The following CCDC77 variants were observed in gnomAD, a reference collection of about 807,000 sequenced individuals.
The protein encoded by CCDC77 is coiled-coil domain-containing protein 77.
In CCDC77, 56 loss-of-function variants were observed where a neutral mutation model predicts 66.8. That is an observed-to-expected ratio of 0.84 (90% CI 0.68 to 1.05). CCDC77 has a LOEUF of 1.05. Ranked by LOEUF, CCDC77 falls within the 50% of genes least tolerant of loss-of-function variation. The pLI is 0.00. For synonymous variants in CCDC77, 196 were observed against 195.2 expected (o/e 1.00, Z -0.03); for missense variants, 570 against 576.8 (o/e 0.99, Z 0.12).
intron 8 of CCDC77, among the ~76,000 whole-genome samples, chr12:432,314 T>C (rs1057353220): frequency 3.9e-5 from 6 of 152,194 alleles, no homozygotes; most frequent in Non-Finnish European, 8.8e-5. Flanking sequence ...TATTTAGTGC[T>C]TAGGTTCCAA....
At chr12:413,247 G>A (rs1591968574) in intron 4 of CCDC77, among the ~76,000 whole-genome samples, 1 of 135,572 alleles carries the variant, frequency 7.4e-6, no homozygotes, top group Non-Finnish European at 1.6e-5. Context: ...CTGTTTTTTT[G>A]TTTTTTTGAG....
chr12:413,657 T>C (rs185008203), intron 4 of CCDC77, among the ~76,000 whole-genome samples: 1,988 of 144,954 alleles, frequency 0.014, 63 homozygotes, highest in African/African-American at 0.049. Context: ...AGACGGAGTC[T>C]CGCTCTGTCG....
At chr12:390,091 T>C (rs1489846736) in intron 1 of CCDC77, 4 of 142,104 alleles carry the variant, frequency 2.8e-5, no homozygotes, top group African/African-American at 1.1e-4. Context: ...TGGTTTCCAT[T>C]AATGACTTCA....
chr12:405,092 A>G (rs1357035644), intron 1 of CCDC77, among the ~76,000 whole-genome samples: 2 of 152,230 alleles, frequency 1.3e-5, no homozygotes, highest in Admixed American at 6.5e-5. Flanking sequence ...TATCCGTACA[A>G]TGGAATTTTA....
intron 5 of CCDC77, 84 bp from the exon 6 acceptor site, chr12:428,685 A>AT: frequency 1.1e-6 from 1 of 885,270 alleles, no homozygotes. Flanking sequence ...TAAAAAAAAA[A>AT]TAGAAGGGAG....
At chr12:391,222 C>T (rs1476319822) in intron 1 of CCDC77, among the ~76,000 whole-genome samples, 4 of 152,122 alleles carry the variant, frequency 2.6e-5, no homozygotes, top group Non-Finnish European at 4.4e-5. Context: ...GAGGCCAAGG[C>T]GGGCAGATCA....
At chr12:424,521 A>G (rs569250383) in intron 5 of CCDC77, among the ~76,000 whole-genome samples, 1 of 151,558 alleles carries the variant, frequency 6.6e-6, no homozygotes, top group Non-Finnish European at 1.5e-5. Flanking sequence ...AACAGGGCAG[A>G]TCTCACTATA....
At chr12:423,501 T>TG (rs1565572305) in intron 5 of CCDC77, among the ~76,000 whole-genome samples, 6 of 103,138 alleles carry the variant, frequency 5.8e-5, no homozygotes, top group African/African-American at 2.0e-4. Context: ...TTTGTTTTTT[T>TG]TTTTTTTTTT....
intron 4 of CCDC77, among the ~76,000 whole-genome samples, chr12:415,526 AATTATTAACATAATAATATGTTGAT>A (rs1215289127): frequency 2.4e-4 from 35 of 147,680 alleles, no homozygotes; most frequent in African/African-American, 6.3e-4. Flanking sequence ...ATATTAACAT[AATTATTAACATAATAATATGTTGAT>A]ATTATTAACA....
chr12:405,331 C>T (rs552049451), intron 1 of CCDC77, among the ~76,000 whole-genome samples, 180 bp from the exon 2 acceptor site: 12 of 152,188 alleles, frequency 7.9e-5, no homozygotes, highest in East Asian at 3.9e-4. Flanking sequence ...CTTGAAGTGA[C>T]GAAACTTCTA....
At chr12:397,540 C>T (rs561927319), upstream of CCDC77, among the ~76,000 whole-genome samples, 15 of 152,160 alleles carry the variant, frequency 9.9e-5, no homozygotes, top group African/African-American at 3.4e-4. Flanking sequence ...TCGAAATTTT[C>T]GGTTTCCTGG....
Position 427,008 on chromosome 12 carries a change from T to A in CCDC77, c.414-1761T>A, listed in dbSNP as rs146925353. Reference sequence around the variant, plus strand: ...GGCTGGTAATCCCAGCACTTTGGGGTGGCTGAGGCGGGCAGATCACGAGGT... The same window carrying A: ...GGCTGGTAATCCCAGCACTTTGGGGAGGCTGAGGCGGGCAGATCACGAGGT... On this transcript the variant is annotated intron_variant, in intron 5 of 12. Coordinates refer to ENST00000239830, the MANE Select transcript of CCDC77 (RefSeq NM_032358.4). 5.1e-3 allele frequency among the ~76,000 whole-genome samples: 779 copies of A among 152,090 alleles called. 3 individuals are homozygous for A. Among genetic ancestry groups the A allele is most frequent in the Non-Finnish European group, 7.7e-3 (526 of 67,984 alleles).
chr12:432,020 C>A, intron 8 of CCDC77, 66 bp downstream of exon 8: 1 of 901,208 alleles, frequency 1.1e-6, no homozygotes, highest in Non-Finnish European at 1.8e-6. Context: ...TGTCACATAC[C>A]CTCAGTGTCA....
intron 9 of CCDC77, among the ~76,000 whole-genome samples, chr12:436,334 A>G (rs1005128963): frequency 4.6e-5 from 7 of 151,430 alleles, no homozygotes; most frequent in Admixed American, 2.0e-4. Flanking sequence ...TCACCGTGTT[A>G]GCCAGGATGG....
intron 1 of CCDC77, among the ~76,000 whole-genome samples, chr12:395,808 C>T (rs1453024856): frequency 2.6e-5 from 4 of 152,116 alleles, no homozygotes; most frequent in Admixed American, 6.5e-5. Flanking sequence ...GCAAGAGAAT[C>T]GCTTGAACTC....
upstream of CCDC77, among the ~76,000 whole-genome samples, chr12:400,087 G>T (rs892261045): frequency 8.5e-5 from 13 of 152,208 alleles, no homozygotes; most frequent in African/African-American, 2.9e-4. Context: ...CTTCCACCTT[G>T]CACTTTTAAG....
chr12:411,283 C>G (rs769460030), intron 3 of CCDC77, among the ~76,000 whole-genome samples: 6 of 151,800 alleles, frequency 4.0e-5, no homozygotes, highest in Non-Finnish European at 8.8e-5. Context: ...AAGCGATTCT[C>G]CTGCCTCAGC....
At chr12:418,723 G>C in intron 5 of CCDC77, 87 bp downstream of exon 5, 1 of 1,426,722 alleles carries the variant, frequency 7.0e-7, no homozygotes. Context: ...TGATTTAGAG[G>C]CAGTATCACT....
chr12:440,800 G>GCTTCCCTCAC (rs1255107867), intron 11 of CCDC77, 44 bp from the exon 12 acceptor site: 3 of 1,612,886 alleles, frequency 1.9e-6, no homozygotes, highest in Admixed American at 1.7e-5. Context: ...TGGGGAAGAC[G>GCTTCCCTCAC]CTTCCCTCAC....
Sources: allele counts gnomAD v4.1 joint callset (sites outside exome capture counted in the v4.1 genomes callset), GRCh38; gene constraint gnomAD v4.1.1; transcripts MANE v1.5; gene names NCBI Gene and HGNC (gene_info 2026-07-23, HGNC 2026-07-21).